Variants in KIRREL3 observed in about 807,000 individuals in gnomAD.
KIRREL3 encodes kin of IRRE-like protein 3.
Under a neutral mutation model 89.7 loss-of-function variants are expected in KIRREL3, and 36 were observed. That is an observed-to-expected ratio of 0.40 (90% CI 0.31 to 0.53). The LOEUF (loss-of-function observed/expected upper bound fraction) is 0.53. KIRREL3 is among the 20% of genes least tolerant of loss of function. KIRREL3 has a pLI of 0.49. For synonymous variants in KIRREL3, 445 were observed against 441.4 expected (o/e 1.01, Z -0.10); for missense variants, 864 against 1,056.6 (o/e 0.82, Z 2.53).
At position 126,993,413 on chromosome 11, in the gene KIRREL3, G is replaced by A. The variant is rs1332833734; in HGVS notation, c.55+7042C>T. The stretch of plus-strand genomic sequence containing the variant: ...TGCATACACTGTAAGGTATGTAAGA[G>A]ACTGGAAATCGCTTTTCATGCTTCG... On this transcript the variant is annotated intron_variant, in intron 1 of 16. Coordinates refer to ENST00000525144, the MANE Select transcript of KIRREL3 (RefSeq NM_032531.4). This position sits in a 1 kb window ranked among gnomAD's most constrained non-coding sequence, Gnocchi z 6.1. 6.6e-6 allele frequency among the ~76,000 whole-genome samples: 1 copy of A among 152,212 alleles called. No individual in the cohort carries two copies. Among genetic ancestry groups the A allele is most frequent in the Non-Finnish European group, 1.5e-5 (1 of 68,048 alleles).
At position 126,873,909 on chromosome 11, in the gene KIRREL3, C is replaced by T. The variant is rs180772977; in HGVS notation, c.55+126546G>A. 8.0e-4 allele frequency among the ~76,000 whole-genome samples: 122 copies of T among 152,310 alleles called. 1 individual carries two copies. The highest frequency in any genetic ancestry group is 2.7e-3 in the African/African-American group (111 of 41,564). ...ATCAGCAGGGCCACATATTGGGGCACCCAGACCACCTTCCACTTCTAACTC... is the reference window on the plus strand; with the variant it reads ...ATCAGCAGGGCCACATATTGGGGCATCCAGACCACCTTCCACTTCTAACTC... On this transcript the variant is annotated intron_variant, in intron 1 of 16. Coordinates refer to ENST00000525144, the MANE Select transcript of KIRREL3 (RefSeq NM_032531.4).
rs1371949319 is a variant in KIRREL3 at position 126,694,042 on chromosome 11, GC to G, written c.56-131131del. ...CCACAGGTTGAAGAGGCGGAGGGAA[GC>G]GGCACAGCTCACAGTCACACTAGGA... On this transcript the variant is annotated intron_variant, in intron 1 of 16. Transcript: ENST00000525144. This position sits in a 1 kb window ranked among gnomAD's most constrained non-coding sequence, Gnocchi z 4.4. Among the ~76,000 whole-genome samples the G allele has an allele frequency of 6.6e-6, 1 of 152,214 alleles. No homozygotes were observed. Among genetic ancestry groups the G allele is most frequent in the Non-Finnish European group, 1.5e-5 (1 of 68,048 alleles).
chr11:126,581,151 T>C (rs1021354078), intron 1 of KIRREL3, among the ~76,000 whole-genome samples: 1 of 152,096 alleles, frequency 6.6e-6, no homozygotes, highest in Non-Finnish European at 1.5e-5. Context: ...ATTGATTAAA[T>C]TTTCAAATAT....
At chr11:126,533,800 A>G (rs1185412519) in intron 2 of KIRREL3, among the ~76,000 whole-genome samples, 1 of 152,210 alleles carries the variant, frequency 6.6e-6, no homozygotes, top group African/African-American at 2.4e-5. Context: ...TGGGGACAAT[A>G]ATACCACCAC....
chr11:126,958,834 T>C (rs1381700922), intron 1 of KIRREL3, among the ~76,000 whole-genome samples: 2 of 152,200 alleles, frequency 1.3e-5, no homozygotes, highest in Non-Finnish European at 2.9e-5. Context: ...AAGTGCCCCT[T>C]GTGATGGTTA....
chr11:126,683,994 G>T lies in KIRREL3; in HGVS notation c.56-121082C>A, dbSNP rs1946572232. On this transcript the variant is annotated intron_variant, in intron 1 of 16. Transcript: ENST00000525144. The surrounding 1 kb of genome is among the most constrained non-coding windows in gnomAD (Gnocchi z 5.2). The stretch of plus-strand genomic sequence containing the variant: ...GGTGGGACCCAGGGCCCAGGGTTTG[G>T]CTCCGGGTTTTTGGGCAGCTCCGCC... 6.6e-6 allele frequency among the ~76,000 whole-genome samples: 1 copy of T among 152,216 alleles called. No homozygotes were observed. The highest frequency in any genetic ancestry group is 2.4e-5 in the African/African-American group (1 of 41,454).
chr11:126,927,812 C>T (rs1316767437), intron 1 of KIRREL3, among the ~76,000 whole-genome samples: 1 of 152,224 alleles, frequency 6.6e-6, no homozygotes, highest in African/African-American at 2.4e-5. Flanking sequence ...GAAGGTGTGG[C>T]CTTGGAATGT....
At chr11:126,507,015 A>G (rs752746665) in intron 4 of KIRREL3, among the ~76,000 whole-genome samples, 1 of 152,236 alleles carries the variant, frequency 6.6e-6, no homozygotes, top group Non-Finnish European at 1.5e-5. Flanking sequence ...ATATCCATAT[A>G]ATGGAATACT....
chr11:126,828,288 A>G (rs1303314619), intron 1 of KIRREL3, among the ~76,000 whole-genome samples: 1 of 152,116 alleles, frequency 6.6e-6, no homozygotes, highest in Non-Finnish European at 1.5e-5. Context: ...CTGAGAAGCC[A>G]TGCTGGCAAG....
chr11:126,862,665 G>T (rs1242117729), intron 1 of KIRREL3, among the ~76,000 whole-genome samples: 10 of 152,146 alleles, frequency 6.6e-5, no homozygotes, highest in Non-Finnish European at 8.8e-5. Context: ...CAGGGCACCT[G>T]GCTTCCCCAG....
chr11:126,762,927 G>T (rs1264529639), intron 1 of KIRREL3, among the ~76,000 whole-genome samples: 2 of 152,122 alleles, frequency 1.3e-5, no homozygotes, highest in Admixed American at 6.6e-5. Context: ...ACTCACGATT[G>T]ACCCCAAATT....
In KIRREL3 at chr11:126,876,255, A is replaced by T. The variant is rs1016126396; in HGVS notation, c.55+124200T>A. Reference sequence around the variant, plus strand: ...AAGATTTGCTGCGGCTGACCTGCAGAGGTGCTGTTCAGGAAGAAACAGATC... The same window carrying T: ...AAGATTTGCTGCGGCTGACCTGCAGTGGTGCTGTTCAGGAAGAAACAGATC... On this transcript the variant is annotated intron_variant, in intron 1 of 16. Coordinates refer to ENST00000525144, the MANE Select transcript of KIRREL3 (RefSeq NM_032531.4). The surrounding 1 kb of genome is among the most constrained non-coding windows in gnomAD (Gnocchi z 4.1). Among the ~76,000 whole-genome samples the T allele has an allele frequency of 6.6e-6, 1 of 152,248 alleles. No individual in the cohort carries two copies. The highest frequency in any genetic ancestry group is 2.4e-5 in the African/African-American group (1 of 41,466).
chr11:126,484,443 G>A lies in KIRREL3; in HGVS notation c.434-10977C>T, dbSNP rs534948403. ...TTTAATCCTCACAGCTCTATATAAG[G>A]TAGATACAATGACGATGCATATTTT... On this transcript the variant is annotated intron_variant, in intron 4 of 16. Coordinates refer to ENST00000525144, the MANE Select transcript of KIRREL3 (RefSeq NM_032531.4). This position sits in a 1 kb window ranked among gnomAD's most constrained non-coding sequence, Gnocchi z 5.2. Among the ~76,000 whole-genome samples the A allele has an allele frequency of 5.4e-4, 82 of 152,308 alleles. No individual in the cohort carries two copies. Among genetic ancestry groups the A allele is most frequent in the African/African-American group, 1.9e-3 (79 of 41,574 alleles).
At chr11:126,456,486 G>A (rs1396077686) in intron 6 of KIRREL3, 32 bp from the exon 7 acceptor site, 2 of 1,381,510 alleles carry the variant, frequency 1.4e-6, no homozygotes, top group East Asian at 5.0e-5. Context: ...TTGTAGACCG[G>A]AGAAAGAATG....
intron 1 of KIRREL3, among the ~76,000 whole-genome samples, chr11:126,882,811 A>C (rs951227525): frequency 6.6e-6 from 1 of 152,202 alleles, no homozygotes; most frequent in Non-Finnish European, 1.5e-5. Flanking sequence ...GCAGCCTTCC[A>C]CTTCTGCAGA....
At position 126,948,585 on chromosome 11, in the gene KIRREL3, A is replaced by C. The variant is rs1396762060; in HGVS notation, c.55+51870T>G. Among the ~76,000 whole-genome samples the C allele has an allele frequency of 6.6e-6, 1 of 152,228 alleles. No individual in the cohort carries two copies. Among genetic ancestry groups the C allele is most frequent in the Non-Finnish European group, 1.5e-5 (1 of 68,052 alleles). On this transcript the variant is annotated intron_variant, in intron 1 of 16. Transcript: ENST00000525144. The surrounding 1 kb of genome is among the most constrained non-coding windows in gnomAD (Gnocchi z 4.5). ...TTCCCAAAAAGCATAAAAAGCAGTTAAGCATTTAAAAGATCTATGGGACTC... is the reference window on the plus strand; with the variant it reads ...TTCCCAAAAAGCATAAAAAGCAGTTCAGCATTTAAAAGATCTATGGGACTC...
intron 1 of KIRREL3, among the ~76,000 whole-genome samples, chr11:126,602,881 A>G (rs915085105): frequency 6.6e-6 from 1 of 152,222 alleles, no homozygotes; most frequent in Non-Finnish European, 1.5e-5. Flanking sequence ...TGGTAGGGTC[A>G]GCTCAGGAAA....
At chr11:126,442,240 G>A (rs1369041469) in intron 10 of KIRREL3, among the ~76,000 whole-genome samples, 9 of 131,180 alleles carry the variant, frequency 6.9e-5, no homozygotes, top group Non-Finnish European at 1.1e-4. Context: ...CAGCCTGGGC[G>A]ACAGAGCGAG....
chr11:126,618,164 C>T (rs183233906), intron 1 of KIRREL3, among the ~76,000 whole-genome samples: 2 of 152,344 alleles, frequency 1.3e-5, no homozygotes, highest in East Asian at 3.9e-4. Context: ...AGACATCTCG[C>T]TTCTCCTACA....
Sources: allele counts gnomAD v4.1 joint callset (sites outside exome capture counted in the v4.1 genomes callset), GRCh38; gene constraint gnomAD v4.1.1; non-coding constraint Gnocchi (gnomAD v3.1); transcripts MANE v1.5; gene names NCBI Gene and HGNC (gene_info 2026-07-23, HGNC 2026-07-21).